The following ABCG2 variants were observed in gnomAD, a reference collection of about 807,000 sequenced individuals.
The protein encoded by ABCG2 is broad substrate specificity ATP-binding cassette transporter ABCG2.
In ABCG2, 80 loss-of-function variants were observed where a neutral mutation model predicts 73.5. That is an observed-to-expected ratio of 1.09 (90% CI 0.91 to 1.31). ABCG2 has a LOEUF of 1.31. ABCG2 is among the 50% of genes most tolerant of loss of function. ABCG2 has a pLI of 0.00. For missense variants in ABCG2, 796 were observed against 786.2 expected, an observed-to-expected ratio of 1.01 and a Z score of -0.15; for synonymous variants, 269 against 282.4, an observed-to-expected ratio of 0.95 and a Z score of 0.48.
At chr4:88,155,427 T>C (rs1378485201) in intron 1 of ABCG2, among the ~76,000 whole-genome samples, 3 of 152,154 alleles carry the variant, frequency 2.0e-5, no homozygotes, top group Non-Finnish European at 4.4e-5. Flanking sequence ...AGAGCCAGGA[T>C]GAGCCAGAAG....
chr4:88,222,208 T>C (rs1392390018), intron 1 of ABCG2, among the ~76,000 whole-genome samples: 1 of 152,044 alleles, frequency 6.6e-6, no homozygotes, highest in Non-Finnish European at 1.5e-5. Flanking sequence ...AAGTCAAGAA[T>C]TGAGTCTGGG....
intron 6 of ABCG2, 22 bp downstream of exon 6, chr4:88,121,613 A>G (rs752814496): frequency 1.2e-6 from 2 of 1,610,190 alleles, no homozygotes; most frequent in East Asian, 2.2e-5. Flanking sequence ...TAACTAAAGA[A>G]TAATGTTTCC....
chr4:88,114,678 T>C (rs1344689413), intron 8 of ABCG2, among the ~76,000 whole-genome samples: 1 of 151,554 alleles, frequency 6.6e-6, no homozygotes, highest in Non-Finnish European at 1.5e-5. Flanking sequence ...TGCAAATGCA[T>C]ATATTGCCAA....
At chr4:88,215,987 C>CA (rs1729796769) in intron 1 of ABCG2, among the ~76,000 whole-genome samples, 1 of 152,190 alleles carries the variant, frequency 6.6e-6, no homozygotes, top group South Asian at 2.1e-4. Context: ...GCCCCACTGA[C>CA]ATTTTGGGCA....
chr4:88,184,506 T>TA (rs1159994619), intron 1 of ABCG2, among the ~76,000 whole-genome samples: 1 of 152,076 alleles, frequency 6.6e-6, no homozygotes, highest in African/African-American at 2.4e-5. Flanking sequence ...AGGAGTAAAA[T>TA]ATCTTTACAA....
chr4:88,214,968 TG>T (rs1414940572), intron 1 of ABCG2, among the ~76,000 whole-genome samples: 1 of 151,870 alleles, frequency 6.6e-6, no homozygotes, highest in Non-Finnish European at 1.5e-5. Flanking sequence ...GGTGCACACC[TG>T]TAGTCCCAGC....
intron 14 of ABCG2, among the ~76,000 whole-genome samples, chr4:88,094,983 G>A (rs531959865): frequency 3.2e-4 from 49 of 152,210 alleles, no homozygotes; most frequent in African/African-American, 1.1e-3. Flanking sequence ...TGATACAGTG[G>A]TGCTCAATGA....
chr4:88,117,245 G>A (rs532485318), intron 7 of ABCG2, among the ~76,000 whole-genome samples: 95 of 152,076 alleles, frequency 6.2e-4, no homozygotes, highest in African/African-American at 1.8e-3. Context: ...GCTTGAGCGC[G>A]GGGGGTTGAG....
chr4:88,132,504 C>CAA, intron 3 of ABCG2, 72 bp downstream of exon 3: 6 of 1,502,620 alleles, frequency 4.0e-6, no homozygotes, highest in South Asian at 1.1e-5. Flanking sequence ...TGCTCGCACA[C>CAA]AAAAAAAAGT....
At chr4:88,141,282 A>C (rs912775404) in intron 1 of ABCG2, among the ~76,000 whole-genome samples, 1 of 152,158 alleles carries the variant, frequency 6.6e-6, no homozygotes, top group Non-Finnish European at 1.5e-5. Flanking sequence ...GCGGGACTGA[A>C]GCACTGAAAC....
At chr4:88,215,120 A>G (rs572638638) in intron 1 of ABCG2, among the ~76,000 whole-genome samples, 1 of 152,260 alleles carries the variant, frequency 6.6e-6, no homozygotes, top group Admixed American at 6.5e-5. Context: ...AGAGAGTTGC[A>G]TGACTTTGCC....
intron 1 of ABCG2, among the ~76,000 whole-genome samples, chr4:88,152,984 A>G (rs1390955860): frequency 2.0e-5 from 3 of 152,172 alleles, no homozygotes; most frequent in Non-Finnish European, 4.4e-5. Flanking sequence ...TGGCCTGGAT[A>G]CAATTTTGTA....
chr4:88,120,317 A>G (rs922266498), intron 6 of ABCG2, among the ~76,000 whole-genome samples: 5 of 152,192 alleles, frequency 3.3e-5, no homozygotes, highest in African/African-American at 1.2e-4. Flanking sequence ...GCCCCCACTG[A>G]GGCACTGCTT....
At position 88,113,415 on chromosome 4, in the gene ABCG2, ATCT is replaced by A. The variant is rs750972998; in HGVS notation, c.1079_1081del (p.Lys360del). 127 of 1,612,250 alleles carry A rather than the reference ATCT, an allele frequency of 7.9e-5. No homozygotes were observed. The highest frequency in any genetic ancestry group is 4.0e-4 in the African/African-American group (30 of 74,982). On this transcript the variant is annotated inframe_deletion, in exon 9 of 16. Transcript: ENST00000237612. ...GTAGCTGATCTCCTTGAAGACTGTG[ATCT>A]TCTTCTTCTTCTCACCCCCGGAAAG...
At chr4:88,204,189 A>G (rs1313477457) in intron 1 of ABCG2, among the ~76,000 whole-genome samples, 1 of 152,188 alleles carries the variant, frequency 6.6e-6, no homozygotes, top group African/African-American at 2.4e-5. Flanking sequence ...TGGGAGGCTG[A>G]GGCGGGCAGA....
chr4:88,187,608 C>T (rs1728518130), intron 1 of ABCG2, among the ~76,000 whole-genome samples: 2 of 151,914 alleles, frequency 1.3e-5, no homozygotes, highest in Admixed American at 1.3e-4. Flanking sequence ...GCAAGACTCC[C>T]TCTCAAAAAA....
At position 88,210,692 on chromosome 4, in the gene ABCG2, A is replaced by G. The variant is rs1228930957; in HGVS notation, c.-20+20302T>C. Among the ~76,000 whole-genome samples, 25 of 151,588 alleles carry G rather than the reference A, an allele frequency of 1.6e-4. 1 individual carries two copies. Among genetic ancestry groups the G allele is most frequent in the Admixed American group, 1.6e-3 (25 of 15,208 alleles). The stretch of plus-strand genomic sequence containing the variant: ...ACTGCAGCCTCAAACTCCTAGGTTC[A>G]AGCAATTCTCCCACCTCAGCCCCTG... On this transcript the variant is annotated intron_variant, in intron 1 of 15. Coordinates refer to the ABCG2 transcript ENST00000515655.
rs112111327 is a variant in ABCG2, at chr4:88,229,094, G to A, written c.-20+1900C>T. ...CACACTGTGAAAGCTTTGTTCTTTC[G>A]CTCTTCATAATAAATCTTGCTGCTG... On this transcript the variant is annotated intron_variant, in intron 1 of 15. Transcript: ENST00000515655. Among the ~76,000 whole-genome samples, 489 of 152,222 alleles carry A rather than the reference G, an allele frequency of 3.2e-3. 6 individuals carry two copies. The highest frequency in any genetic ancestry group is 0.011 in the African/African-American group (445 of 41,530).
At chr4:88,149,225 A>C (rs1274363779) in intron 1 of ABCG2, among the ~76,000 whole-genome samples, 1 of 152,160 alleles carries the variant, frequency 6.6e-6, no homozygotes, top group East Asian at 1.9e-4. Flanking sequence ...AAAATATAAA[A>C]ATAAATAAAT....
Sources: allele counts gnomAD v4.1 joint callset (sites outside exome capture counted in the v4.1 genomes callset), GRCh38; gene constraint gnomAD v4.1.1; transcripts MANE v1.5; gene names NCBI Gene and HGNC (gene_info 2026-07-23, HGNC 2026-07-21).